Variants in THOC2 observed in about 807,000 individuals in gnomAD.
THOC2 encodes the protein THO complex 2.
Under a neutral mutation model 128.4 loss-of-function variants are expected in THOC2, and 10 were observed. The ratio of observed to expected loss-of-function variants is 0.08; its 90% confidence interval spans 0.05 to 0.13. The LOEUF (loss-of-function observed/expected upper bound fraction) is 0.13, where lower values mean the gene tolerates loss of function less well. THOC2 is among the 10% of genes least tolerant of loss of function. The pLI is 1.00. For missense variants in THOC2, 535 were observed against 1,155.7 expected (o/e 0.46, Z 7.79); for synonymous variants, 393 against 396.9 (o/e 0.99, Z 0.12).
At chrX:123,713,682 A>G (rs2051289421) in intron 1 of THOC2, among the ~76,000 whole-genome samples, 1 of 108,126 alleles carries the variant, frequency 9.2e-6, no homozygotes, top group Admixed American at 1.0e-4. Context: ...ACCCTGTCTC[A>G]ACAAAAAATA....
intron 22 of THOC2, among the ~76,000 whole-genome samples, chrX:123,631,475 T>G: frequency 8.9e-6 from 1 of 111,997 alleles, no homozygotes; most frequent in Middle Eastern, 4.6e-3. Flanking sequence ...CAGCAGATGT[T>G]TGATTAAATG....
At chrX:123,683,761 C>T (rs901745748) in intron 8 of THOC2, among the ~76,000 whole-genome samples, 2 of 110,423 alleles carry the variant, frequency 1.8e-5, no homozygotes, top group African/African-American at 6.6e-5. Context: ...CCACCACACC[C>T]GGCTAATTTT....
At chrX:123,606,614 T>G (rs751596324) in intron 38 of THOC2, among the ~76,000 whole-genome samples, 5 of 111,211 alleles carry the variant, frequency 4.5e-5, no homozygotes, top group Admixed American at 1.9e-4. Flanking sequence ...TGAAATGAAA[T>G]GAAATGAAAA....
At chrX:123,617,251 C>A (rs1327622532) in intron 33 of THOC2, among the ~76,000 whole-genome samples, 1 of 111,303 alleles carries the variant, frequency 9.0e-6, no homozygotes, top group Non-Finnish European at 1.9e-5. Flanking sequence ...AACCTTACTG[C>A]CAGGCACCAT....
In THOC2 at chrX:123,703,816, G is replaced by A. The variant is rs1324682614; in HGVS notation, c.223-311C>T. ...TGAGGTGGGAGGATCATTTGAGCCCGGGAGGTGGAAGCTGCAGTGAGCCAA... is the reference window on the plus strand; with the variant it reads ...TGAGGTGGGAGGATCATTTGAGCCCAGGAGGTGGAAGCTGCAGTGAGCCAA... On this transcript the variant is annotated intron_variant, in intron 3 of 38. Coordinates refer to ENST00000245838, the MANE Select transcript of THOC2 (RefSeq NM_001081550.2). 4.2e-5 allele frequency among the ~76,000 whole-genome samples: 4 copies of A among 94,801 alleles called. No homozygotes were observed. The South Asian group carries it at 1.6e-3, about 37-fold the overall frequency. The allele number at this position is 94,801 out of a possible 115,157, so 82.3% of individuals were successfully genotyped here. A position where few individuals can be genotyped will look rare whatever the true frequency, so the allele number is the denominator to read the frequency against.
intron 1 of THOC2, among the ~76,000 whole-genome samples, chrX:123,719,021 C>T (rs1188688725): frequency 3.7e-5 from 4 of 107,978 alleles, no homozygotes; most frequent in African/African-American, 1.0e-4. Flanking sequence ...TAAAAAAATT[C>T]GAAAAAATTA....
In THOC2 at chrX:123,624,076, T is replaced by A. The variant is rs190918581; in HGVS notation, c.3302A>T (p.His1101Leu). ...TTTTTTTACCTTGGTTAGTTTGTAATGCCATTTATGTACAACATGTCGAAA... is the reference window on the plus strand; with the variant it reads ...TTTTTTTACCTTGGTTAGTTTGTAAAGCCATTTATGTACAACATGTCGAAA... The part of the protein sequence containing the change: ...ENFRHVVHKW[H>L]YKLTKASVHC... Residue 1101 changes from histidine (H) to leucine (L), a missense_variant, in exon 27 of 39, where the codon CAT becomes CTT. His to Leu is a moderately conservative substitution (Grantham distance 99). Around this residue, in one of 9 missense-constraint regions of THOC2, gnomAD observed 20 missense variants for 67.0 expected, o/e 0.30. Transcript: ENST00000245838. 8.4e-7 allele frequency: 1 copy of A among 1,192,928 alleles called. No homozygotes were observed. Among genetic ancestry groups the A allele is most frequent in the Non-Finnish European group, 1.1e-6 (1 of 890,257 alleles).
chrX:123,725,349 C>T (rs1275565105), intron 1 of THOC2, among the ~76,000 whole-genome samples: 1 of 102,322 alleles, frequency 9.8e-6, no homozygotes, highest in East Asian at 3.1e-4. Context: ...TTTGGGAGGC[C>T]GAAGTGGGAG....
chrX:123,615,323 CCAAA>C (rs768471430), intron 33 of THOC2, among the ~76,000 whole-genome samples: 1 of 111,047 alleles, frequency 9.0e-6, no homozygotes, highest in Non-Finnish European at 1.9e-5. Context: ...TTTAACACCA[CCAAA>C]CATTTTCAAT....
At chrX:123,652,050 G>A (rs983559619) in intron 12 of THOC2, among the ~76,000 whole-genome samples, 65 of 111,465 alleles carry the variant, frequency 5.8e-4, no homozygotes, top group Non-Finnish European at 1.1e-4. Context: ...TGGCAAAACC[G>A]AATCCAGCAG....
chrX:123,676,083 G>A (rs1212792259), intron 8 of THOC2, among the ~76,000 whole-genome samples: 3 of 112,318 alleles, frequency 2.7e-5, no homozygotes, highest in Non-Finnish European at 5.6e-5. Flanking sequence ...TGGTATATAT[G>A]ACAACTTTGT....
intron 7 of THOC2, 55 bp downstream of exon 7, chrX:123,695,966 T>C (rs1392720067): frequency 3.5e-6 from 3 of 852,418 alleles, no homozygotes; most frequent in Non-Finnish European, 4.8e-6. Flanking sequence ...TATTCTCCAA[T>C]AGCTAAAATA....
At chrX:123,697,362 A>C (rs1245830542) in intron 5 of THOC2, among the ~76,000 whole-genome samples, 1 of 112,474 alleles carries the variant, frequency 8.9e-6, no homozygotes, top group East Asian at 2.8e-4. Flanking sequence ...TATGAGGAAA[A>C]AAATCCATTT....
chrX:123,644,076 G>T (rs950999469), intron 15 of THOC2, among the ~76,000 whole-genome samples: 2 of 111,973 alleles, frequency 1.8e-5, no homozygotes, highest in African/African-American at 6.5e-5. Context: ...TGTTTTTAAT[G>T]ATATGAAAAT....
At position 123,667,370 on chromosome X, in the gene THOC2, C is replaced by T. The variant is rs1333070146; in HGVS notation, c.1018-92G>A. ...ACTTAAAAAACTGACCTAAGCAACA[C>T]ATCAAAAATATTTGCTATTCATGGG... is the stretch of plus-strand genomic sequence containing the variant. On this transcript the variant is annotated intron_variant, in intron 10 of 38. Transcript: ENST00000245838. The T allele has an allele frequency of 1.4e-5, 8 of 587,386 alleles. No homozygotes were observed. The Admixed American group carries it at 2.9e-4, about 21-fold the overall frequency. The allele number at this position is 587,386 out of a possible 1,213,427, so 48.4% of individuals were successfully genotyped here.
At chrX:123,634,358 A>C (rs900683274) in intron 19 of THOC2, among the ~76,000 whole-genome samples, 3 of 111,157 alleles carry the variant, frequency 2.7e-5, no homozygotes, top group African/African-American at 9.8e-5. Flanking sequence ...TCACCTGGTA[A>C]CATTTTTACT....
At chrX:123,707,995 G>T (rs1376858719) in intron 2 of THOC2, among the ~76,000 whole-genome samples, 1 of 108,530 alleles carries the variant, frequency 9.2e-6, no homozygotes, top group Non-Finnish European at 1.9e-5. Context: ...AGCCAGATGT[G>T]GTGGCACACA....
chrX:123,651,915 T>C (rs1021204084), intron 12 of THOC2, among the ~76,000 whole-genome samples: 6 of 110,556 alleles, frequency 5.4e-5, no homozygotes, highest in African/African-American at 1.3e-4. Flanking sequence ...TTCCAAACAA[T>C]AGAAAAAGAG....
chrX:123,645,704 G>A (rs1234277843), intron 12 of THOC2, among the ~76,000 whole-genome samples: 1 of 112,200 alleles, frequency 8.9e-6, no homozygotes, highest in African/African-American at 3.2e-5. Flanking sequence ...CCTCACGCCT[G>A]TAATCCCAGC....
Sources: allele counts gnomAD v4.1 joint callset (sites outside exome capture counted in the v4.1 genomes callset), GRCh38; gene constraint gnomAD v4.1.1; regional missense constraint gnomAD v4.1.1; transcripts MANE v1.5; gene names NCBI Gene and HGNC (gene_info 2026-07-23, HGNC 2026-07-21).